The following GRID2 variants were observed in gnomAD, a reference collection of about 807,000 sequenced individuals.
GRID2 encodes glutamate ionotropic receptor delta type subunit 2, also known as glutamate receptor ionotropic, delta-2.
In GRID2, 33 loss-of-function variants were observed where a neutral mutation model predicts 114.8. That is an observed-to-expected ratio of 0.29 (90% confidence interval 0.22 to 0.38). The LOEUF (loss-of-function observed/expected upper bound fraction) is 0.38, where lower values mean the gene tolerates loss of function less well. Ranked by LOEUF, GRID2 falls within the 10% of genes least tolerant of loss-of-function variation. The pLI, the probability that GRID2 is intolerant of heterozygous loss-of-function variation, is 1.00. For synonymous variants in GRID2, 505 were observed against 449.9 expected (o/e 1.12, Z -1.55); for missense variants, 1,184 against 1,257.7 (o/e 0.94, Z 0.89).
intron 3 of GRID2, among the ~76,000 whole-genome samples, chr4:93,110,071 T>C (rs1277724836): frequency 6.6e-6 from 1 of 152,192 alleles, no homozygotes; most frequent in Non-Finnish European, 1.5e-5. Context: ...TCTAAAATGC[T>C]GAAATATGTT....
At chr4:92,912,569 A>C (rs529651181) in intron 2 of GRID2, among the ~76,000 whole-genome samples, 4 of 151,908 alleles carry the variant, frequency 2.6e-5, no homozygotes, top group African/African-American at 9.7e-5. Context: ...AGTCATTACC[A>C]GGTACAAATC....
At chr4:92,308,325 C>T (rs893060398) in intron 1 of GRID2, among the ~76,000 whole-genome samples, 1 of 152,096 alleles carries the variant, frequency 6.6e-6, no homozygotes, top group Non-Finnish European at 1.5e-5. Flanking sequence ...ATTAGCTGTC[C>T]TCAGTTATAC....
At chr4:92,781,247 AAAAAAC>A (rs945969192) in intron 2 of GRID2, among the ~76,000 whole-genome samples, 62 of 152,124 alleles carry the variant, frequency 4.1e-4, no homozygotes, top group African/African-American at 1.4e-3. Flanking sequence ...CTCCCTCTCA[AAAAAAC>A]AAAAACAAAA....
chr4:92,490,863 A>G (rs545109230), intron 1 of GRID2, among the ~76,000 whole-genome samples: 2 of 152,296 alleles, frequency 1.3e-5, no homozygotes, highest in Admixed American at 1.3e-4. Flanking sequence ...CCAACAAATG[A>G]TGCCTGTTTT....
intron 2 of GRID2, among the ~76,000 whole-genome samples, chr4:92,646,640 T>C (rs1470753602): frequency 6.6e-6 from 1 of 152,248 alleles, no homozygotes; most frequent in Non-Finnish European, 1.5e-5. Context: ...TTTAATCCTT[T>C]TGATTTGTTA....
At chr4:92,801,987 G>GT (rs886856979) in intron 2 of GRID2, among the ~76,000 whole-genome samples, 4 of 151,142 alleles carry the variant, frequency 2.6e-5, no homozygotes, top group Admixed American at 6.6e-5. Context: ...ATACCACATT[G>GT]TTTTTTTTAA....
At chr4:92,823,952 C>T (rs1741479136) in intron 2 of GRID2, among the ~76,000 whole-genome samples, 1 of 152,108 alleles carries the variant, frequency 6.6e-6, no homozygotes, top group African/African-American at 2.4e-5. Flanking sequence ...AGAATAGGGA[C>T]TGGTGGTAGT....
At chr4:92,644,778 T>A (rs1731528811) in intron 2 of GRID2, among the ~76,000 whole-genome samples, 1 of 151,674 alleles carries the variant, frequency 6.6e-6, no homozygotes, top group South Asian at 2.1e-4. Context: ...ATAGTTCAAA[T>A]AAACTTTCTC....
intron 4 of GRID2, among the ~76,000 whole-genome samples, chr4:93,167,101 T>C (rs1222664840): frequency 6.6e-6 from 1 of 152,070 alleles, no homozygotes; most frequent in Non-Finnish European, 1.5e-5. Flanking sequence ...GCAAGAAGAG[T>C]AAATAACATC....
At chr4:92,890,781 T>G (rs1197932820) in intron 2 of GRID2, among the ~76,000 whole-genome samples, 3 of 152,138 alleles carry the variant, frequency 2.0e-5, no homozygotes, top group African/African-American at 7.2e-5. Context: ...CCAAAGGCTT[T>G]TAAGTCATTC....
At chr4:93,749,954 G>A (rs1732168419) in intron 14 of GRID2, among the ~76,000 whole-genome samples, 1 of 152,224 alleles carries the variant, frequency 6.6e-6, no homozygotes, top group African/African-American at 2.4e-5. Context: ...GCTACAGAGT[G>A]AACAATGCAG....
chr4:93,687,711 T>A (rs1726196446), intron 14 of GRID2, among the ~76,000 whole-genome samples: 1 of 151,976 alleles, frequency 6.6e-6, no homozygotes, highest in African/African-American at 2.4e-5. Flanking sequence ...ATTAGTCTGA[T>A]TAAAATGAGT....
At position 92,304,533 on chromosome 4, in the gene GRID2, T is replaced by G; in HGVS notation, c.-124T>G. ...ACGATAAAAGGCTTTGCTCTGGCAA[T>G]AGGAATTTAGAAAAAAAGAAAAAGC... On this transcript the variant is annotated 5_prime_UTR_variant, in exon 1 of 16. Coordinates refer to ENST00000282020, the MANE Select transcript of GRID2 (RefSeq NM_001510.4). The G allele has an allele frequency of 1.4e-6, 1 of 697,764 alleles. No homozygotes were observed. The highest frequency in any genetic ancestry group is 2.6e-6 in the Non-Finnish European group (1 of 392,142). 43.2% of individuals were successfully genotyped at this position (697,764 alleles called of 1,614,324 possible).
intron 13 of GRID2, among the ~76,000 whole-genome samples, chr4:93,533,980 T>C (rs1189572138): frequency 6.6e-6 from 1 of 152,148 alleles, no homozygotes; most frequent in Non-Finnish European, 1.5e-5. Flanking sequence ...ATTATCTTTC[T>C]GGCTTGGCTT....
chr4:93,466,977 C>A (rs942138722), intron 11 of GRID2, among the ~76,000 whole-genome samples: 2 of 152,054 alleles, frequency 1.3e-5, no homozygotes, highest in African/African-American at 2.4e-5. Flanking sequence ...ATTGTAAATA[C>A]CTATGAAATA....
intron 11 of GRID2, among the ~76,000 whole-genome samples, chr4:93,476,026 T>TA (rs879875453): frequency 6.6e-6 from 1 of 152,064 alleles, no homozygotes; most frequent in Non-Finnish European, 1.5e-5. Flanking sequence ...AGGTCTGTGG[T>TA]AAAATCAGTA....
At chr4:92,864,040 T>C (rs1744703822) in intron 2 of GRID2, among the ~76,000 whole-genome samples, 1 of 152,148 alleles carries the variant, frequency 6.6e-6, no homozygotes, top group African/African-American at 2.4e-5. Flanking sequence ...TGCTTCCCAT[T>C]AATAAGATGA....
chr4:92,359,400 T>C (rs1728502224), intron 1 of GRID2, among the ~76,000 whole-genome samples: 2 of 152,024 alleles, frequency 1.3e-5, no homozygotes, highest in Admixed American at 6.6e-5. Context: ...TGCATGAATG[T>C]TGGCAAGTTA....
At chr4:92,630,090 A>C (rs1730726226) in intron 2 of GRID2, among the ~76,000 whole-genome samples, 1 of 152,046 alleles carries the variant, frequency 6.6e-6, no homozygotes, top group Non-Finnish European at 1.5e-5. Context: ...TTCTGCACTC[A>C]ATATTGTCTA....
Sources: allele counts gnomAD v4.1 joint callset (sites outside exome capture counted in the v4.1 genomes callset), GRCh38; gene constraint gnomAD v4.1.1; transcripts MANE v1.5; gene names NCBI Gene and HGNC (gene_info 2026-07-23, HGNC 2026-07-21).